The following WDFY4 variants were observed in gnomAD, a reference collection of about 807,000 sequenced individuals.
WDFY4 encodes WDFY family member 4.
Under a neutral mutation model 351.9 loss-of-function variants are expected in WDFY4, and 169 were observed. That is an observed-to-expected ratio of 0.48 (90% CI 0.42 to 0.55). The LOEUF (loss-of-function observed/expected upper bound fraction) is 0.55. Among genes scored for constraint, WDFY4 ranks in the 20% least tolerant of loss-of-function variants. WDFY4 has a pLI of 0.00. For synonymous variants in WDFY4, 1,622 were observed against 1,574.6 expected, an observed-to-expected ratio of 1.03 and a Z score of -0.71; for missense variants, 3,803 against 3,935.6, an observed-to-expected ratio of 0.97 and a Z score of 0.90.
At chr10:48,914,144 A>C (rs1452608281) in intron 47 of WDFY4, 3 of 1,612,564 alleles carry the variant, frequency 1.9e-6, no homozygotes, top group Non-Finnish European at 2.5e-6. Context: ...GGCCTTTCTC[A>C]CCCTTAACCA....
chr10:48,810,766 G>C (rs1425738565), intron 29 of WDFY4, 31 bp downstream of exon 29: 1 of 1,487,218 alleles, frequency 6.7e-7, no homozygotes, highest in Non-Finnish European at 9.0e-7. Flanking sequence ...AGGGAGTGGG[G>C]CACCACCTAG....
At chr10:48,815,260 G>C (rs1195099077) in intron 31 of WDFY4, among the ~76,000 whole-genome samples, 1 of 152,156 alleles carries the variant, frequency 6.6e-6, no homozygotes. Context: ...ACTGATGATG[G>C]CTTCATAGTT....
chr10:48,787,909 CT>C (rs1565198732), intron 20 of WDFY4, among the ~76,000 whole-genome samples: 1 of 37,750 alleles, frequency 2.6e-5, no homozygotes. Flanking sequence ...TCTTCTTCTT[CT>C]TCTTCTTCTT....
chr10:48,846,562 G>A (rs994957604), intron 39 of WDFY4, among the ~76,000 whole-genome samples: 11 of 152,206 alleles, frequency 7.2e-5, no homozygotes, highest in Admixed American at 7.2e-4. Flanking sequence ...AAGAAGCCAG[G>A]TTCATCTATT....
intron 23 of WDFY4, among the ~76,000 whole-genome samples, chr10:48,793,570 C>T (rs1218509889): frequency 6.6e-6 from 1 of 152,110 alleles, no homozygotes; most frequent in South Asian, 2.1e-4. Flanking sequence ...CACGTTTTCT[C>T]GCTTTGTGTT....
At chr10:48,731,676 C>A in intron 9 of WDFY4, 114 bp downstream of exon 9, 1 of 1,234,378 alleles carries the variant, frequency 8.1e-7, no homozygotes, top group Non-Finnish European at 1.1e-6. Context: ...GCCCATGTCA[C>A]TGGGAAGGTA....
rs1321292351 is a variant in WDFY4, at chr10:48,857,790, G to C, written c.6664-9475G>C. On this transcript the variant is annotated intron_variant, in intron 39 of 61. Transcript: ENST00000325239. Reference sequence around the variant, plus strand: ...TGATGATATTTTTTGTTTTTTACTTGTTGATTTTTTTTTCTTTTTTTGATG... The same window carrying C: ...TGATGATATTTTTTGTTTTTTACTTCTTGATTTTTTTTTCTTTTTTTGATG... 2.6e-5 allele frequency among the ~76,000 whole-genome samples: 4 copies of C among 151,730 alleles called. 1 individual carries two copies. Among genetic ancestry groups the C allele is most frequent in the Non-Finnish European group, 5.9e-5 (4 of 67,904 alleles).
intron 47 of WDFY4, among the ~76,000 whole-genome samples, chr10:48,905,653 T>A (rs1837575659): frequency 6.6e-6 from 1 of 152,212 alleles, no homozygotes; most frequent in African/African-American, 2.4e-5. Flanking sequence ...TTCAGAGGAA[T>A]GCTCATCTCA....
chr10:48,733,644 A>T (rs2064543643), intron 9 of WDFY4, among the ~76,000 whole-genome samples: 1 of 152,214 alleles, frequency 6.6e-6, no homozygotes, highest in Non-Finnish European at 1.5e-5. Flanking sequence ...TGCAAATTAT[A>T]GAACCCCATC....
intron 55 of WDFY4, 167 bp from the exon 56 acceptor site, chr10:48,968,897 C>T: frequency 1.5e-6 from 1 of 670,590 alleles, no homozygotes. Context: ...AGTTCAAGTC[C>T]AGTGTGTCTG....
intron 33 of WDFY4, 61 bp downstream of exon 33, chr10:48,820,498 G>T: frequency 6.6e-7 from 1 of 1,509,358 alleles, no homozygotes; most frequent in South Asian, 1.2e-5. Flanking sequence ...TACCGGCACT[G>T]CAAGGGCAGG....
chr10:48,970,055 A>G (rs1423811065), intron 56 of WDFY4, 76 bp from the exon 57 acceptor site: 3 of 1,476,338 alleles, frequency 2.0e-6, no homozygotes, highest in East Asian at 2.5e-5. Context: ...ACTGGCCCAC[A>G]TACCCCCGTG....
At position 48,963,995 on chromosome 10, in the gene WDFY4, C is replaced by T; in HGVS notation, c.8377C>T (p.Pro2793Ser). ...DRMDLSSITD[P>S]LIKSTILGFV... Reference sequence around the variant, plus strand: ...AATGGACCTCAGCAGCATCACTGACCCCCTCATCAAAAGCACCATCCTGGG... The same window carrying T: ...AATGGACCTCAGCAGCATCACTGACTCCCTCATCAAAAGCACCATCCTGGG... The change falls in exon 54 of 62, where the codon CCC becomes TCC. Residue 2793 changes from proline (P) to serine (S), a missense_variant. By Grantham distance (74) the Pro-to-Ser change is moderately conservative. Coordinates refer to ENST00000325239, the MANE Select transcript of WDFY4 (RefSeq NM_001394531.1). The T allele has an allele frequency of 1.3e-6, 2 of 1,550,410 alleles. No individual in the cohort carries two copies. The highest frequency in any genetic ancestry group is 1.7e-6 in the Non-Finnish European group (2 of 1,146,958).
intron 14 of WDFY4, among the ~76,000 whole-genome samples, chr10:48,775,205 C>T (rs942120908): frequency 7.2e-5 from 11 of 152,090 alleles, no homozygotes; most frequent in African/African-American, 1.7e-4. Flanking sequence ...AGGGAGCAGA[C>T]GTGGAAGACA....
At position 48,728,949 on chromosome 10, in the gene WDFY4, G is replaced by A. The variant is rs577084591; in HGVS notation, c.972-483G>A. On this transcript the variant is annotated intron_variant, in intron 7 of 61. Transcript: ENST00000325239. ...GAACTTTTCCTCTGGAAATGGCAGG[G>A]CTGGAATAAGACTTGAGATGCCCTT... is the stretch of plus-strand genomic sequence containing the variant. Among the ~76,000 whole-genome samples the A allele has an allele frequency of 1.6e-3, 237 of 152,332 alleles. 1 individual carries two copies. The highest frequency in any genetic ancestry group is 2.7e-3 in the Non-Finnish European group (181 of 68,026).
intron 49 of WDFY4, among the ~76,000 whole-genome samples, chr10:48,943,883 C>T (rs979001596): frequency 2.0e-5 from 3 of 152,258 alleles, no homozygotes; most frequent in African/African-American, 7.2e-5. Context: ...GCATGAGCCA[C>T]TGTGCCCGGC....
chr10:48,926,567 C>A (rs1490585877), intron 47 of WDFY4, among the ~76,000 whole-genome samples: 1 of 152,168 alleles, frequency 6.6e-6, no homozygotes, highest in Non-Finnish European at 1.5e-5. Flanking sequence ...TGACCACAGG[C>A]AAATAAGGTC....
chr10:48,897,624 A>G (rs1399518677), intron 45 of WDFY4, 50 bp downstream of exon 45: 15 of 1,530,576 alleles, frequency 9.8e-6, no homozygotes, highest in African/African-American at 1.4e-5. Context: ...AGGCAGGGCC[A>G]TGGGACAGGT....
intron 47 of WDFY4, among the ~76,000 whole-genome samples, chr10:48,930,166 C>T (rs1008231728): frequency 6.6e-6 from 1 of 152,182 alleles, no homozygotes; most frequent in Non-Finnish European, 1.5e-5. Flanking sequence ...CCCATGCCCT[C>T]AGAAAGGGTC....
Sources: gnomAD v4.1 joint callset for allele counts (sites outside exome capture counted in the v4.1 genomes callset) on GRCh38, gnomAD v4.1.1 for gene constraint, MANE v1.5 for transcripts, NCBI Gene and HGNC (gene_info 2026-07-23, HGNC 2026-07-21) for gene names.